The following CHP2 variants were observed in gnomAD, a reference collection of about 807,000 sequenced individuals.
CHP2 encodes the protein calcineurin like EF-hand protein 2, also known as calcineurin B homologous protein 2.
Under a neutral mutation model 24.7 loss-of-function variants are expected in CHP2, and 31 were observed. That is an observed-to-expected ratio of 1.26 (90% confidence interval 0.94 to 1.69). The LOEUF (loss-of-function observed/expected upper bound fraction) is 1.69. Ranked by LOEUF, CHP2 falls within the 40% of genes most tolerant of loss-of-function variation. CHP2 has a pLI of 0.00. For synonymous variants in CHP2, 97 were observed against 99.1 expected (o/e 0.98, Z 0.13); for missense variants, 319 against 261.5 (o/e 1.22, Z -1.52).
chr16:23,757,717 GA>G lies in CHP2; in HGVS notation c.*137del. On this transcript the variant is annotated 3_prime_UTR_variant, in exon 7 of 7. Coordinates refer to ENST00000300113, the MANE Select transcript of CHP2 (RefSeq NM_022097.4). Reference sequence around the variant, plus strand: ...CTAACTCTATTTAGGGCCAAGAGAAGAAAGCTGGAAGGATGTGTACTAAAGT... The same window carrying G: ...CTAACTCTATTTAGGGCCAAGAGAAGAAGCTGGAAGGATGTGTACTAAAGT... The G allele has an allele frequency of 6.0e-6, 5 of 837,488 alleles. No homozygotes were observed. Among genetic ancestry groups the G allele is most frequent in the Non-Finnish European group, 1.0e-5 (5 of 487,844 alleles). The allele number at this position is 837,488 out of a possible 1,614,324, so 51.9% of individuals were successfully genotyped here.
intron 5 of CHP2, 133 bp downstream of exon 5, chr16:23,756,582 A>T (rs1209574861): frequency 3.9e-6 from 3 of 763,046 alleles, no homozygotes; most frequent in South Asian, 1.6e-5. Context: ...GGAAATGGGA[A>T]TGGGTGCAGT....
chr16:23,757,703 T>C lies in CHP2; in HGVS notation c.*120T>C. The stretch of plus-strand genomic sequence containing the variant: ...CTGTATTTTCGTTTCTAACTCTATT[T>C]AGGGCCAAGAGAAGAAAGCTGGAAG... On this transcript the variant is annotated 3_prime_UTR_variant, in exon 7 of 7. Coordinates refer to ENST00000300113, the MANE Select transcript of CHP2 (RefSeq NM_022097.4). The C allele has an allele frequency of 1.1e-6, 1 of 913,592 alleles. No individual in the cohort carries two copies. The highest frequency in any genetic ancestry group is 1.8e-6 in the Non-Finnish European group (1 of 547,498). 56.6% of individuals were successfully genotyped at this position (913,592 alleles called of 1,614,324 possible). A position where few individuals can be genotyped will look rare whatever the true frequency, so the allele number is the denominator to read the frequency against.
At chr16:23,755,581 A>G in intron 1 of CHP2, 80 bp from the exon 2 acceptor site, 2 of 1,268,128 alleles carry the variant, frequency 1.6e-6, no homozygotes, top group East Asian at 2.3e-5. Flanking sequence ...GTTCTGGCCC[A>G]TCTTCCTGGC....
In CHP2 at chr16:23,756,047, T is replaced by C. The variant is rs1312992244; in HGVS notation, c.222-16T>C. The C allele has an allele frequency of 4.3e-6, 7 of 1,613,890 alleles. No homozygotes were observed. Among genetic ancestry groups the C allele is most frequent in the Non-Finnish European group, 5.9e-6 (7 of 1,179,964 alleles). On this transcript the variant is annotated splice_polypyrimidine_tract_variant and intron_variant, in intron 3 of 6. Coordinates refer to ENST00000300113, the MANE Select transcript of CHP2 (RefSeq NM_022097.4). ...AGGTGACCACCACCTCTTTCCATTC[T>C]GTCCCGTCTCCCCAGGAGCCAGCGA...
intron 5 of CHP2, 130 bp downstream of exon 5, chr16:23,756,579 G>C: frequency 1.3e-6 from 1 of 777,648 alleles, no homozygotes; most frequent in African/African-American, 1.7e-5. Context: ...TTGGGAAATG[G>C]GAATGGGTGC....
intron 1 of CHP2, 66 bp from the exon 2 acceptor site, chr16:23,755,595 T>C: frequency 1.4e-6 from 2 of 1,395,438 alleles, no homozygotes; most frequent in African/African-American, 1.4e-5. Flanking sequence ...TCCTGGCCTG[T>C]TGGGGCGGGT....
chr16:23,757,643 C>T lies in CHP2; in HGVS notation c.*60C>T, dbSNP rs534098372. ...GTATCTCCTTGGAATTCATCCAAAG[C>T]CCCCATGGACGCATGGACGCAGGGC... On this transcript the variant is annotated 3_prime_UTR_variant, in exon 7 of 7. Transcript: ENST00000300113. 8 of 1,411,140 alleles carry T rather than the reference C, an allele frequency of 5.7e-6. No homozygotes were observed. Among genetic ancestry groups the T allele is most frequent in the Non-Finnish European group, 7.0e-6 (7 of 994,640 alleles). 87.4% of individuals were successfully genotyped at this position (1,411,140 alleles called of 1,614,324 possible).
rs35641939 is a variant in CHP2, at chr16:23,756,415, G to T, written c.380G>T (p.Arg127Leu). The T allele has an allele frequency of 3.1e-6, 5 of 1,613,906 alleles. No homozygotes were observed. In the East Asian group the frequency reaches 6.7e-5, roughly 22 times the overall value. Reference protein sequence around the residue: ...HYAFQLYDLDRDGKISRHEML... With the variant: ...HYAFQLYDLDLDGKISRHEML... ...GCATTTCAGCTCTATGACCTGGATCGCGATGGGAAGATCTCCAGGCATGAG... is the reference window on the plus strand; with the variant it reads ...GCATTTCAGCTCTATGACCTGGATCTCGATGGGAAGATCTCCAGGCATGAG... Residue 127 changes from arginine to leucine, a missense_variant, in exon 5 of 7, where the codon CGC becomes CTC. Arg to Leu is a moderately radical substitution (Grantham distance 102). Transcript: ENST00000300113.
chr16:23,757,525 C>T lies in CHP2; in HGVS notation c.538-5C>T. 6.2e-7 allele frequency: 1 copy of T among 1,613,912 alleles called. No individual in the cohort carries two copies. Among genetic ancestry groups the T allele is most frequent in the Non-Finnish European group, 8.5e-7 (1 of 1,179,922 alleles). On this transcript the variant is annotated splice_region_variant and splice_polypyrimidine_tract_variant and intron_variant, in intron 6 of 6. Coordinates refer to ENST00000300113, the MANE Select transcript of CHP2 (RefSeq NM_022097.4). ...CCTCTTGCCTGCCATTTGTTTTTCCCTCAGTCCTTAGAGAAGATGGACGTT... is the reference window on the plus strand; with the variant it reads ...CCTCTTGCCTGCCATTTGTTTTTCCTTCAGTCCTTAGAGAAGATGGACGTT...
chr16:23,755,419 A>G, intron 1 of CHP2: 2 of 600,252 alleles, frequency 3.3e-6, no homozygotes, highest in Non-Finnish European at 5.9e-6. Context: ...GGCGGTTGGA[A>G]GGGATGGCTT....
chr16:23,756,223 A>G, intron 4 of CHP2, 30 bp downstream of exon 4: 1 of 1,612,982 alleles, frequency 6.2e-7, no homozygotes, highest in Non-Finnish European at 8.5e-7. Flanking sequence ...CACAAGTGAG[A>G]ATGCAGATGT....
In CHP2 at chr16:23,758,088, T is replaced by C; in HGVS notation, c.*505T>C. On this transcript the variant is annotated 3_prime_UTR_variant, in exon 7 of 7. Coordinates refer to ENST00000300113, the MANE Select transcript of CHP2 (RefSeq NM_022097.4). Reference sequence around the variant, plus strand: ...GGCTCCTATGATAATCTAATGCCACTGCTGATCTGACAGGAGGCAGAGCTC... The same window carrying C: ...GGCTCCTATGATAATCTAATGCCACCGCTGATCTGACAGGAGGCAGAGCTC... 1 of 178,194 alleles carries C rather than the reference T, an allele frequency of 5.6e-6. No homozygotes were observed. The allele number at this position is 178,194 out of a possible 1,614,324, so 11.0% of individuals were successfully genotyped here. A position where few individuals can be genotyped will look rare whatever the true frequency, so the allele number is the denominator to read the frequency against.
At chr16:23,757,408 G>A in intron 6 of CHP2, 85 bp downstream of exon 6, 2 of 1,586,268 alleles carry the variant, frequency 1.3e-6, no homozygotes, top group South Asian at 2.2e-5. Context: ...GAGGAGGGCG[G>A]AAAGATAGGG....
rs753142533 is a variant in CHP2, at chr16:23,755,131, G to T, written c.67+15G>T. 25 of 1,591,864 alleles carry T rather than the reference G, an allele frequency of 1.6e-5. No homozygotes were observed. The highest frequency in any genetic ancestry group is 6.8e-5 in the African/African-American group (5 of 73,336). ...AGAGACCGGCTGTGAGTGCGCCCGC[G>T]TCGGCGGCTGCGGAGGGGACGGGGC... On this transcript the variant is annotated intron_variant, in intron 1 of 6. Transcript: ENST00000300113.
chr16:23,755,924 A>G lies in CHP2; in HGVS notation c.218A>G (p.Asp73Gly). 5.6e-6 allele frequency: 9 copies of G among 1,614,032 alleles called. No individual in the cohort carries two copies. The highest frequency in any genetic ancestry group is 7.6e-6 in the Non-Finnish European group (9 of 1,179,990). Reference sequence around the variant, plus strand: ...CGAATTATAGAAAGCTTCTTCCCCGATGGGTGAGGCTTGCTGGGCGTGGGG... The same window carrying G: ...CGAATTATAGAAAGCTTCTTCCCCGGTGGGTGAGGCTTGCTGGGCGTGGGG... ...GDRIIESFFP[D>G]GSQRVDFPGF... Residue 73 changes from aspartate (D) to glycine (G), a missense_variant, in exon 3 of 7, where the codon GAT becomes GGT. Asp to Gly is a moderately conservative substitution (Grantham distance 94). Coordinates refer to ENST00000300113, the MANE Select transcript of CHP2 (RefSeq NM_022097.4).
In CHP2 at chr16:23,757,565, C is replaced by T; in HGVS notation, c.573C>T (p.Ser191=). 6.2e-7 allele frequency: 1 copy of T among 1,614,076 alleles called. No individual in the cohort carries two copies. The highest frequency in any genetic ancestry group is 1.3e-5 in the African/African-American group (1 of 75,020). The change falls in exon 7 of 7, where the codon AGC becomes AGT. Residue 191 remains serine (S), a synonymous_variant. Coordinates refer to ENST00000300113, the MANE Select transcript of CHP2 (RefSeq NM_022097.4). Reference sequence around the variant, plus strand: ...AGATGGACGTTGAGCAAAAAATGAGCATCCGGATCCTGAAGTGACTCCGTT... The same window carrying T: ...AGATGGACGTTGAGCAAAAAATGAGTATCCGGATCCTGAAGTGACTCCGTT... ...LEKMDVEQKM[S]IRILK
chr16:23,757,696 C>T lies in CHP2; in HGVS notation c.*113C>T. On this transcript the variant is annotated 3_prime_UTR_variant, in exon 7 of 7. Coordinates refer to ENST00000300113, the MANE Select transcript of CHP2 (RefSeq NM_022097.4). ...CAATAAACTGTATTTTCGTTTCTAACTCTATTTAGGGCCAAGAGAAGAAAG... is the reference window on the plus strand; with the variant it reads ...CAATAAACTGTATTTTCGTTTCTAATTCTATTTAGGGCCAAGAGAAGAAAG... 1 of 975,002 alleles carries T rather than the reference C, an allele frequency of 1.0e-6. No homozygotes were observed. The highest frequency in any genetic ancestry group is 1.3e-5 in the South Asian group (1 of 77,662). 60.4% of individuals were successfully genotyped at this position (975,002 alleles called of 1,614,324 possible).
chr16:23,757,367 TG>T, intron 6 of CHP2, 44 bp downstream of exon 6: 1 of 1,596,070 alleles, frequency 6.3e-7, no homozygotes, highest in Non-Finnish European at 8.6e-7. Context: ...TCAGGAGTTC[TG>T]GGGCAGACAG....
chr16:23,755,287 G>T, intron 1 of CHP2, 171 bp downstream of exon 1: 1 of 603,398 alleles, frequency 1.7e-6, no homozygotes, highest in Non-Finnish European at 2.9e-6. Context: ...TTAGGGGCGG[G>T]TTAACCTAGG....
Sources: allele counts gnomAD v4.1 joint callset, GRCh38; gene constraint gnomAD v4.1.1; transcripts MANE v1.5; gene names NCBI Gene and HGNC (gene_info 2026-07-23, HGNC 2026-07-21).